The following ANKRD13C variants were observed in gnomAD, a reference collection of about 807,000 sequenced individuals.
The protein encoded by ANKRD13C is ankyrin repeat domain-containing protein 13C.
A neutral mutation model predicts 65.5 loss-of-function variants in ANKRD13C; 16 were observed. That is an observed-to-expected ratio of 0.24 (90% confidence interval 0.17 to 0.37). The LOEUF (loss-of-function observed/expected upper bound fraction) is 0.37, where lower values mean the gene tolerates loss of function less well. Ranked by LOEUF, ANKRD13C falls within the 10% of genes least tolerant of loss-of-function variation. The pLI is 1.00. For missense variants in ANKRD13C, 503 were observed against 655.9 expected (o/e 0.77, Z 2.55); for synonymous variants, 235 against 238.7 (o/e 0.98, Z 0.14).
intron 6 of ANKRD13C, among the ~76,000 whole-genome samples, chr1:70,302,444 T>TAAAA (rs376318377): frequency 4.1e-5 from 6 of 146,714 alleles, no homozygotes; most frequent in Non-Finnish European, 5.9e-5. Flanking sequence ...AAAATAGTAT[T>TAAAA]GGCCGGGCGC....
chr1:70,309,675 G>A (rs1680755771), intron 5 of ANKRD13C, among the ~76,000 whole-genome samples: 2 of 145,924 alleles, frequency 1.4e-5, no homozygotes, highest in Admixed American at 6.9e-5. Context: ...GCAGTGAGCC[G>A]AGATCGCGCT....
chr1:70,289,889 T>C (rs748596804), intron 9 of ANKRD13C, among the ~76,000 whole-genome samples: 2 of 152,224 alleles, frequency 1.3e-5, no homozygotes, highest in African/African-American at 2.4e-5. Flanking sequence ...AGAGATGGCC[T>C]TTTGTCTGGC....
At chr1:70,272,462 C>T (rs1029189566) in intron 11 of ANKRD13C, among the ~76,000 whole-genome samples, 2 of 151,962 alleles carry the variant, frequency 1.3e-5, no homozygotes, top group Non-Finnish European at 2.9e-5. Context: ...TCAGGTGATC[C>T]ACCCGCCTCA....
At chr1:70,323,503 C>T (rs1681402020) in intron 3 of ANKRD13C, among the ~76,000 whole-genome samples, 1 of 151,746 alleles carries the variant, frequency 6.6e-6, no homozygotes, top group South Asian at 2.1e-4. Context: ...ATTAGCCAGG[C>T]ATGGTGGCAG....
chr1:70,315,503 C>G lies in ANKRD13C; in HGVS notation c.641G>C (p.Arg214Pro). The stretch of plus-strand genomic sequence containing the variant: ...TACCTCTTTCAGGGCTTTTAATAAT[C>G]GAGGTCGTTTTTCTTCAACACTTTC... ...SRESVEEKRPRLLKALKELGD... is the reference protein window; with the variant it reads ...SRESVEEKRPPLLKALKELGD... The change falls in exon 4 of 13, where the codon CGA becomes CCA. Residue 214 changes from arginine to proline, a missense_variant. Arg to Pro is a moderately radical substitution (Grantham distance 103). Around this residue, in one of 2 missense-constraint regions of ANKRD13C, gnomAD observed 300 missense variants for 478.3 expected, o/e 0.63. Transcript: ENST00000370944. The G allele has an allele frequency of 6.2e-7, 1 of 1,604,510 alleles. No homozygotes were observed. The highest frequency in any genetic ancestry group is 8.5e-7 in the Non-Finnish European group (1 of 1,174,360).
Position 70,285,262 on chromosome 1 carries a change from G to A in ANKRD13C, c.1215+7126C>T, listed in dbSNP as rs537531834. Among the ~76,000 whole-genome samples, 105 of 141,246 alleles carry A rather than the reference G, an allele frequency of 7.4e-4. 1 individual carries two copies. The highest frequency in any genetic ancestry group is 2.8e-3 in the African/African-American group (104 of 37,230). 92.7% of individuals were successfully genotyped at this position (141,246 alleles called of 152,430 possible). A position where few individuals can be genotyped will look rare whatever the true frequency, so the allele number is the denominator to read the frequency against. The stretch of plus-strand genomic sequence containing the variant: ...GGCTGGAGTGCAGTAGCATGATCTC[G>A]GCTCACTGCCACCTCTGCCCCCTGG... On this transcript the variant is annotated intron_variant, in intron 9 of 12. Coordinates refer to ENST00000370944, the MANE Select transcript of ANKRD13C (RefSeq NM_030816.5).
At chr1:70,267,859 A>G (rs1052574771) in intron 12 of ANKRD13C, among the ~76,000 whole-genome samples, 1 of 152,100 alleles carries the variant, frequency 6.6e-6, no homozygotes, top group Admixed American at 6.5e-5. Flanking sequence ...TCCCGGTGTC[A>G]TAATTTTACC....
At chr1:70,318,312 C>T (rs1263138875) in intron 3 of ANKRD13C, among the ~76,000 whole-genome samples, 1 of 152,146 alleles carries the variant, frequency 6.6e-6, no homozygotes, top group East Asian at 1.9e-4. Flanking sequence ...CCATAAACCA[C>T]AACTAATTTT....
chr1:70,308,203 C>T (rs1680669172), intron 5 of ANKRD13C, among the ~76,000 whole-genome samples: 2 of 151,918 alleles, frequency 1.3e-5, no homozygotes, highest in South Asian at 4.2e-4. Flanking sequence ...CCTATATTGG[C>T]CAGGTTGGTC....
At chr1:70,297,908 T>C in intron 7 of ANKRD13C, among the ~76,000 whole-genome samples, 1 of 75,344 alleles carries the variant, frequency 1.3e-5, no homozygotes. Flanking sequence ...AGAGAGAGAC[T>C]CCATCTCAAA....
intron 1 of ANKRD13C, among the ~76,000 whole-genome samples, chr1:70,346,851 G>C (rs1274956998): frequency 6.6e-6 from 1 of 152,066 alleles, no homozygotes; most frequent in Non-Finnish European, 1.5e-5. Context: ...CAGCATTTTG[G>C]GAGGTCCAGG....
Position 70,354,133 on chromosome 1 carries a change from C to CGG in ANKRD13C, c.274_275dup (p.Ala93ArgfsTer34). Reference sequence around the variant, plus strand: ...CGGGGTTGGTGCCGGCCAGAAGGGCCGGGGACTGGGAGTTGGCAGTCACGG... The same window carrying CGG: ...CGGGGTTGGTGCCGGCCAGAAGGGCCGGGGGGACTGGGAGTTGGCAGTCACGG... On this transcript the variant is annotated frameshift_variant, in exon 1 of 13. Transcript: ENST00000370944. LOFTEE classifies it high-confidence loss of function. 1 of 1,613,870 alleles carries CGG rather than the reference C, an allele frequency of 6.2e-7. No individual in the cohort carries two copies. The highest frequency in any genetic ancestry group is 8.5e-7 in the Non-Finnish European group (1 of 1,179,884).
intron 7 of ANKRD13C, among the ~76,000 whole-genome samples, chr1:70,297,912 T>C (rs1360259649): frequency 3.0e-5 from 1 of 33,698 alleles, no homozygotes; most frequent in Non-Finnish European, 6.1e-5. Flanking sequence ...AGAGACTCCA[T>C]CTCAAAAAAA....
chr1:70,318,686 T>G (rs1055685137), intron 3 of ANKRD13C, among the ~76,000 whole-genome samples: 7 of 145,414 alleles, frequency 4.8e-5, no homozygotes, highest in East Asian at 2.0e-4. Flanking sequence ...TTTGTTTTTT[T>G]TTTTTTTTTT....
intron 1 of ANKRD13C, among the ~76,000 whole-genome samples, chr1:70,337,137 C>A (rs1275241005): frequency 7.2e-6 from 1 of 139,776 alleles, no homozygotes; most frequent in African/African-American, 2.7e-5. Flanking sequence ...AGAGATCGGC[C>A]ATGATTCAAA....
At chr1:70,328,249 C>A (rs1681633621) in intron 2 of ANKRD13C, among the ~76,000 whole-genome samples, 1 of 151,530 alleles carries the variant, frequency 6.6e-6, no homozygotes, top group Admixed American at 6.6e-5. Context: ...TTAAATAAAT[C>A]AAAAAAAGGA....
chr1:70,332,627 G>A (rs562544863), intron 2 of ANKRD13C, among the ~76,000 whole-genome samples: 4 of 152,040 alleles, frequency 2.6e-5, no homozygotes, highest in East Asian at 1.9e-4. Flanking sequence ...CACCATGCCC[G>A]GCTAATTTTT....
At chr1:70,283,142 C>T (rs1370508497) in intron 9 of ANKRD13C, among the ~76,000 whole-genome samples, 1 of 151,856 alleles carries the variant, frequency 6.6e-6, no homozygotes, top group Non-Finnish European at 1.5e-5. Flanking sequence ...TTAAATTAGT[C>T]CTTTATTTTT....
chr1:70,289,600 G>A (rs927956897), intron 9 of ANKRD13C, among the ~76,000 whole-genome samples: 6 of 151,452 alleles, frequency 4.0e-5, no homozygotes, highest in Non-Finnish European at 8.8e-5. Context: ...CTGAGTAGCT[G>A]GGACTACAGG....
Sources: gnomAD v4.1 joint callset for allele counts (sites outside exome capture counted in the v4.1 genomes callset) on GRCh38, gnomAD v4.1.1 for gene constraint, gnomAD v4.1.1 regional missense constraint, MANE v1.5 for transcripts, NCBI Gene and HGNC (gene_info 2026-07-23, HGNC 2026-07-21) for gene names.